PCMT1: variants seen among roughly 807,000 people sequenced by gnomAD.
The protein encoded by PCMT1 is protein-L-isoaspartate (D-aspartate) O-methyltransferase.
A neutral mutation model predicts 29.2 loss-of-function variants in PCMT1; 9 were observed. That is an observed-to-expected ratio of 0.31 (90% confidence interval 0.19 to 0.54). PCMT1 has a LOEUF of 0.54. PCMT1 is among the 20% of genes least tolerant of loss of function. The pLI is 0.95. For missense variants in PCMT1, 184 were observed against 282.2 expected (o/e 0.65, Z 2.49); for synonymous variants, 98 against 97.5 (o/e 1.00, Z -0.03).
intron 1 of PCMT1, among the ~76,000 whole-genome samples, chr6:149,751,275 C>T (rs1482504088): frequency 5.3e-5 from 8 of 152,026 alleles, no homozygotes; most frequent in Admixed American, 2.6e-4. Flanking sequence ...CAAGATCTTG[C>T]CACTGCACTC....
At chr6:149,757,441 A>G (rs2115201004) in intron 1 of PCMT1, among the ~76,000 whole-genome samples, 1 of 152,298 alleles carries the variant, frequency 6.6e-6, no homozygotes, top group Non-Finnish European at 1.5e-5. Flanking sequence ...AAATGCTTTC[A>G]GGGTGGCAGT....
chr6:149,796,541 T>A, intron 6 of PCMT1, 41 bp downstream of exon 6: 1 of 1,379,610 alleles, frequency 7.2e-7, no homozygotes, highest in Non-Finnish European at 1.0e-6. Flanking sequence ...TTTATTCAAC[T>A]AAAACTCTAC....
intron 3 of PCMT1, among the ~76,000 whole-genome samples, chr6:149,774,661 C>G (rs1239436663): frequency 6.6e-6 from 1 of 151,422 alleles, no homozygotes; most frequent in African/African-American, 2.4e-5. Flanking sequence ...CCTCAGCCTC[C>G]CTAGTAGCTG....
chr6:149,802,888 T>C (rs1419448711), intron 7 of PCMT1, among the ~76,000 whole-genome samples: 1 of 151,564 alleles, frequency 6.6e-6, no homozygotes, highest in African/African-American at 2.4e-5. Context: ...ACCCCGTCTC[T>C]ATTAAAAATA....
At chr6:149,784,061 G>A (rs1787924131) in intron 3 of PCMT1, among the ~76,000 whole-genome samples, 1 of 152,120 alleles carries the variant, frequency 6.6e-6, no homozygotes, top group Non-Finnish European at 1.5e-5. Context: ...GAGATAATTG[G>A]GGGAACATTC....
chr6:149,761,917 G>T (rs1179400765), intron 1 of PCMT1, among the ~76,000 whole-genome samples: 1 of 152,130 alleles, frequency 6.6e-6, no homozygotes, highest in East Asian at 1.9e-4. Flanking sequence ...ATACTTTGCT[G>T]AACGATGTAG....
intron 1 of PCMT1, among the ~76,000 whole-genome samples, chr6:149,755,105 C>A (rs1786458596): frequency 6.6e-6 from 1 of 152,018 alleles, no homozygotes; most frequent in Admixed American, 6.6e-5. Flanking sequence ...TCATAATAAA[C>A]CTGTTATAAG....
chr6:149,789,693 A>T (rs1788273052), intron 3 of PCMT1, among the ~76,000 whole-genome samples: 1 of 147,496 alleles, frequency 6.8e-6, no homozygotes, highest in South Asian at 2.2e-4. Flanking sequence ...TTCACTTATA[A>T]ATCTTTTAAT....
chr6:149,753,079 T>A (rs1786387121), intron 1 of PCMT1, among the ~76,000 whole-genome samples: 1 of 152,220 alleles, frequency 6.6e-6, no homozygotes, highest in African/African-American at 2.4e-5. Flanking sequence ...TAGTTTCAAC[T>A]TCTTGCTGAG....
At chr6:149,806,632 C>T (rs1337215111) in intron 7 of PCMT1, among the ~76,000 whole-genome samples, 2 of 152,174 alleles carry the variant, frequency 1.3e-5, no homozygotes, top group African/African-American at 4.8e-5. Context: ...CTCTGTCACC[C>T]AGGCTGGAGT....
chr6:149,771,085 C>T, intron 1 of PCMT1, 77 bp from the exon 2 acceptor site: 1 of 842,726 alleles, frequency 1.2e-6, no homozygotes, highest in Non-Finnish European at 2.0e-6. Context: ...GTCTCTATAG[C>T]ACAGCTGGTG....
intron 3 of PCMT1, among the ~76,000 whole-genome samples, chr6:149,789,464 G>A (rs182099815): frequency 2.4e-3 from 371 of 152,150 alleles, no homozygotes; most frequent in African/African-American, 8.5e-3. Flanking sequence ...CGAGGTGGGC[G>A]GATCACCTGA....
intron 6 of PCMT1, among the ~76,000 whole-genome samples, chr6:149,799,649 A>C (rs982691905): frequency 6.6e-6 from 1 of 152,236 alleles, no homozygotes; most frequent in Non-Finnish European, 1.5e-5. Context: ...CAAAAATGAA[A>C]TGAGGGAAGA....
At chr6:149,795,328 G>T in intron 5 of PCMT1, 1 of 389,920 alleles carries the variant, frequency 2.6e-6, no homozygotes, top group South Asian at 2.4e-5. Context: ...TAGCAGTACT[G>T]GGAACAGCAG....
At chr6:149,801,362 T>G (rs929384915) in intron 6 of PCMT1, among the ~76,000 whole-genome samples, 6 of 152,188 alleles carry the variant, frequency 3.9e-5, no homozygotes, top group African/African-American at 1.4e-4. Context: ...ATTATCTACT[T>G]GTGGTGTCAT....
intron 3 of PCMT1, among the ~76,000 whole-genome samples, chr6:149,783,810 C>T (rs1160814965): frequency 6.6e-6 from 1 of 152,148 alleles, no homozygotes; most frequent in Non-Finnish European, 1.5e-5. Context: ...CTGCCTCTGC[C>T]TCCCAAGGAG....
intron 3 of PCMT1, among the ~76,000 whole-genome samples, chr6:149,781,161 A>G (rs1175972833): frequency 6.9e-6 from 1 of 145,832 alleles, no homozygotes; most frequent in Non-Finnish European, 1.5e-5. Flanking sequence ...CTTTGGAGAA[A>G]CATTTATTCA....
intron 7 of PCMT1, among the ~76,000 whole-genome samples, chr6:149,808,933 G>C (rs201943325): frequency 6.6e-6 from 1 of 150,748 alleles, no homozygotes; most frequent in African/African-American, 2.4e-5. Flanking sequence ...ACTGCCCCTG[G>C]CAAATTGTAG....
intron 6 of PCMT1, among the ~76,000 whole-genome samples, chr6:149,801,000 C>T (rs1775809455): frequency 6.6e-6 from 1 of 152,220 alleles, no homozygotes; most frequent in Non-Finnish European, 1.5e-5. Flanking sequence ...ATGAATAAGA[C>T]ACAGTCCCCA....
Sources: allele counts gnomAD v4.1 joint callset (sites outside exome capture counted in the v4.1 genomes callset), GRCh38; gene constraint gnomAD v4.1.1; transcripts MANE v1.5; gene names NCBI Gene and HGNC (gene_info 2026-07-23, HGNC 2026-07-21).